DNER: variants seen among roughly 807,000 people sequenced by gnomAD.
The protein encoded by DNER is delta/notch like EGF repeat containing, also known as delta and Notch-like epidermal growth factor-related receptor.
A neutral mutation model predicts 78.2 loss-of-function variants in DNER; 33 were observed. The ratio of observed to expected loss-of-function variants is 0.42; its 90% CI spans 0.32 to 0.56. The LOEUF is 0.56. Ranked by LOEUF, DNER falls within the 20% of genes least tolerant of loss-of-function variation. The pLI is 0.11. For missense variants in DNER, 918 were observed against 975.3 expected (o/e 0.94, Z 0.78); for synonymous variants, 417 against 384.8 (o/e 1.08, Z -0.98).
Position 229,367,081 on chromosome 2 carries a change from T to C in DNER, c.1894A>G (p.Thr632Ala), listed in dbSNP as rs759360449. The C allele has an allele frequency of 1.2e-6, 2 of 1,614,098 alleles. No homozygotes were observed. The highest frequency in any genetic ancestry group is 3.3e-5 in the Admixed American group (2 of 60,006). ...TAGAGGGAGTGCCGTGGCATGTTGG[T>C]GAGGCTCTCCGCCATGTGCCCGGAC... ...WKSGHMAESL[T>A]NMPRHSLYII... is the part of the protein sequence containing the mutation. The change falls in exon 12 of 13, where the codon ACC becomes GCC. Residue 632 changes from threonine (T) to alanine (A), a missense_variant. Physicochemically the swap from Thr to Ala is moderately conservative, Grantham distance 58. Transcript: ENST00000341772.
intron 1 of DNER, among the ~76,000 whole-genome samples, chr2:229,704,818 T>C (rs893767535): frequency 3.3e-5 from 5 of 152,270 alleles, no homozygotes; most frequent in Admixed American, 6.5e-5. Flanking sequence ...AAAATAGTTA[T>C]GAAATGAAAA....
At chr2:229,567,422 A>C (rs1266865582) in intron 4 of DNER, among the ~76,000 whole-genome samples, 1 of 152,192 alleles carries the variant, frequency 6.6e-6, no homozygotes, top group Non-Finnish European at 1.5e-5. Flanking sequence ...ACACAAATAC[A>C]AGAGGGTAAG....
intron 9 of DNER, among the ~76,000 whole-genome samples, chr2:229,408,394 G>GTC (rs946837610): frequency 5.9e-5 from 9 of 151,800 alleles, no homozygotes; most frequent in African/African-American, 1.2e-4. Flanking sequence ...ATAGATTAGT[G>GTC]TCTCTCTCTC....
chr2:229,442,851 T>A (rs1450656471), intron 8 of DNER, among the ~76,000 whole-genome samples: 2 of 152,102 alleles, frequency 1.3e-5, no homozygotes, highest in Non-Finnish European at 2.9e-5. Context: ...AAGGCATATG[T>A]AGAAAATACA....
intron 1 of DNER, among the ~76,000 whole-genome samples, chr2:229,598,678 C>T (rs759538): frequency 0.36 from 55,356 of 151,878 alleles, 10,265 homozygotes; most frequent in East Asian, 0.5. Context: ...CGGCAGCTTT[C>T]GGCAAAACAA....
intron 1 of DNER, among the ~76,000 whole-genome samples, chr2:229,703,543 A>T (rs1331655658): frequency 6.6e-6 from 1 of 152,188 alleles, no homozygotes. Context: ...GACCAATCAG[A>T]CTTCATTGGT....
chr2:229,403,809 T>C (rs553226995), intron 10 of DNER, among the ~76,000 whole-genome samples: 54 of 151,996 alleles, frequency 3.6e-4, no homozygotes, highest in African/African-American at 1.3e-3. Context: ...GAAAGGCACC[T>C]TACTGAGAAG....
At chr2:229,460,482 T>C (rs1482753638) in intron 7 of DNER, among the ~76,000 whole-genome samples, 1 of 151,978 alleles carries the variant, frequency 6.6e-6, no homozygotes, top group Non-Finnish European at 1.5e-5. Context: ...GCTGATTGGT[T>C]TTAAATACAA....
intron 5 of DNER, among the ~76,000 whole-genome samples, chr2:229,527,187 C>T (rs953340713): frequency 6.9e-6 from 1 of 144,738 alleles, no homozygotes; most frequent in Non-Finnish European, 1.5e-5. Context: ...CTCCTCTAAA[C>T]TTAGCCTGGT....
intron 8 of DNER, among the ~76,000 whole-genome samples, chr2:229,432,905 G>A (rs116328249): frequency 1.6e-4 from 25 of 152,264 alleles, no homozygotes; most frequent in African/African-American, 6.0e-4. Flanking sequence ...GCTACATATA[G>A]TGTGGTTATG....
chr2:229,546,770 G>C (rs1384436423), intron 5 of DNER, among the ~76,000 whole-genome samples, 177 bp downstream of exon 5: 1 of 150,460 alleles, frequency 6.6e-6, no homozygotes, highest in Non-Finnish European at 1.5e-5. Flanking sequence ...AACTTGGCTT[G>C]AGACAGACAG....
rs573311808 is a variant in DNER at position 229,463,941 on chromosome 2, A to C, written c.1261+13199T>G. Among the ~76,000 whole-genome samples, 3 of 152,332 alleles carry C rather than the reference A, an allele frequency of 2.0e-5. No homozygotes were observed. The East Asian group carries it at 5.8e-4, about 29-fold the overall frequency. Reference sequence around the variant, plus strand: ...ATTCCAGCCTGGCAGGAAGGGTTGAAAGACCAGCCCAGCCTGTCAAAATGG... The same window carrying C: ...ATTCCAGCCTGGCAGGAAGGGTTGACAGACCAGCCCAGCCTGTCAAAATGG... On this transcript the variant is annotated intron_variant, in intron 7 of 12. Transcript: ENST00000341772.
chr2:229,631,009 T>C (rs1698425672), intron 1 of DNER, among the ~76,000 whole-genome samples: 1 of 152,218 alleles, frequency 6.6e-6, no homozygotes, highest in Admixed American at 6.5e-5. Context: ...ATGGTGTATG[T>C]GTACCATATT....
intron 10 of DNER, among the ~76,000 whole-genome samples, chr2:229,407,020 C>G (rs765382897): frequency 1.3e-5 from 2 of 152,262 alleles, no homozygotes; most frequent in Non-Finnish European, 2.9e-5. Flanking sequence ...AGTCTAGACG[C>G]CAAACAACCA....
chr2:229,714,293 G>A lies in DNER; in HGVS notation c.131C>T (p.Ala44Val), dbSNP rs1351595926. 7.5e-7 allele frequency: 1 copy of A among 1,326,938 alleles called. No homozygotes were observed. Among genetic ancestry groups the A allele is most frequent in the Admixed American group, 3.5e-5 (1 of 28,214 alleles). 82.2% of individuals were successfully genotyped at this position (1,326,938 alleles called of 1,614,324 possible). A position where few individuals can be genotyped will look rare whatever the true frequency, so the allele number is the denominator to read the frequency against. Residue 44 changes from alanine (A) to valine (V), a missense_variant, in exon 1 of 13, where the codon GCG becomes GTG. By Grantham distance (64) the Ala-to-Val change is moderately conservative (BLOSUM62 0). Transcript: ENST00000341772. ...GGGCTGCGCGGCGCACGGCCCGGGC[G>A]CAGACAGGGGCGCGGCGGGCACCGG... The part of the protein sequence containing the change: ...ANPVPAAPLS[A>V]PGPCAAQPCR...
intron 1 of DNER, among the ~76,000 whole-genome samples, chr2:229,684,177 T>A (rs1041466796): frequency 1.1e-3 from 161 of 144,416 alleles, no homozygotes; most frequent in African/African-American, 3.9e-3. Context: ...AGAGTGTGTG[T>A]GTGTGTGTGT....
intron 12 of DNER, among the ~76,000 whole-genome samples, chr2:229,364,046 G>C (rs1692282938): frequency 1.5e-5 from 2 of 137,872 alleles, no homozygotes; most frequent in Non-Finnish European, 1.5e-5. Context: ...CGCCCAGGCT[G>C]GGGTGATGGA....
In DNER at chr2:229,651,618, C is replaced by T. The variant is rs142012110; in HGVS notation, c.277-59730G>A. Among the ~76,000 whole-genome samples the T allele has an allele frequency of 2.8e-3, 433 of 152,342 alleles. 3 individuals are homozygous for T. The highest frequency in any genetic ancestry group is 0.01 in the African/African-American group (418 of 41,576). ...CCCTCCCTGGGCTGCTCCCTAGGGT[C>T]TGTTTTAGATAACTCAGCCTGGAGC... On this transcript the variant is annotated intron_variant, in intron 1 of 12. Coordinates refer to ENST00000341772, the MANE Select transcript of DNER (RefSeq NM_139072.4).
chr2:229,575,950 T>C (rs1161620946), intron 4 of DNER, among the ~76,000 whole-genome samples: 1 of 152,194 alleles, frequency 6.6e-6, no homozygotes, highest in African/African-American at 2.4e-5. Context: ...TTCATAGAAA[T>C]CTTTGAACTA....
Sources: gnomAD v4.1 joint callset for allele counts (sites outside exome capture counted in the v4.1 genomes callset) on GRCh38, gnomAD v4.1.1 for gene constraint, MANE v1.5 for transcripts, NCBI Gene and HGNC (gene_info 2026-07-23, HGNC 2026-07-21) for gene names.